Variants in RAD51C observed in about 807,000 individuals in gnomAD.
RAD51C encodes the protein DNA repair protein RAD51 homolog 3.
In RAD51C, 42 loss-of-function variants were observed where a neutral mutation model predicts 45.0. The ratio of observed to expected loss-of-function variants is 0.93; its 90% CI spans 0.73 to 1.21. RAD51C has a LOEUF of 1.21. Ranked by LOEUF, RAD51C falls within the 50% of genes most tolerant of loss-of-function variation. RAD51C has a pLI of 0.00. For missense variants in RAD51C, 474 were observed against 452.2 expected (o/e 1.05, Z -0.44); for synonymous variants, 172 against 159.8 (o/e 1.08, Z -0.58).
chr17:58,732,737 AT>A, intron 8 of RAD51C, 193 bp downstream of exon 8: 1 of 595,152 alleles, frequency 1.7e-6, no homozygotes, highest in Middle Eastern at 3.7e-4. Context: ...ACTGAAATTT[AT>A]TCTTAAGAGC....
At chr17:58,721,100 G>A (rs2048903939) in intron 6 of RAD51C, among the ~76,000 whole-genome samples, 1 of 152,148 alleles carries the variant, frequency 6.6e-6, no homozygotes, top group Admixed American at 6.6e-5. Context: ...GGCCAATATG[G>A]TGAAACCCCA....
chr17:58,697,261 G>A (rs147657238), intron 3 of RAD51C, among the ~76,000 whole-genome samples: 100 of 152,152 alleles, frequency 6.6e-4, no homozygotes, highest in African/African-American at 2.2e-3. Flanking sequence ...GTCTGAGGCC[G>A]GATGCAGTGC....
rs2049474116 is a variant in RAD51C, at chr17:58,732,542, A to G, written c.1024A>G (p.Lys342Glu). 6.2e-7 allele frequency: 1 copy of G among 1,611,676 alleles called. No homozygotes were observed. Among genetic ancestry groups the G allele is most frequent in the East Asian group, 2.2e-5 (1 of 44,786 alleles). Residue 342 changes from lysine to glutamate, a missense_variant and splice_region_variant, in exon 8 of 9, where the codon AAA becomes GAA. Lys to Glu is a moderately conservative substitution (Grantham distance 56). Transcript: ENST00000337432. ...GGAATGCACAGTACTGTTTCAAATC[A>G]AAGTCAGTATTATTTGATTAGAGTG... Reference protein sequence around the residue: ...QKECTVLFQIKPQGFRDTVVT... With the variant: ...QKECTVLFQIEPQGFRDTVVT...
rs2143668680 is a variant in RAD51C at position 58,692,611 on chromosome 17, T to G, written c.-33T>G. On this transcript the variant is annotated 5_prime_UTR_variant, in exon 1 of 9. Coordinates refer to ENST00000337432, the MANE Select transcript of RAD51C (RefSeq NM_058216.3). ...ACGCCCCAGCGAGGGCGTGCGGAGT[T>G]TGGCTGCTCCGGGGTTAGCAGGTGA... is the stretch of plus-strand genomic sequence containing the variant. 6.2e-7 allele frequency: 1 copy of G among 1,612,974 alleles called. No homozygotes were observed. The highest frequency in any genetic ancestry group is 2.2e-5 in the East Asian group (1 of 44,876).
Position 58,710,786 on chromosome 17 carries a change from G to A in RAD51C, c.837+796G>A, listed in dbSNP as rs183560693. Among the ~76,000 whole-genome samples the A allele has an allele frequency of 1.6e-4, 25 of 152,084 alleles. No individual in the cohort carries two copies. The East Asian group carries it at 4.6e-3, about 28-fold the overall frequency. On this transcript the variant is annotated intron_variant, in intron 5 of 8. Coordinates refer to ENST00000337432, the MANE Select transcript of RAD51C (RefSeq NM_058216.3). ...GTAAATATCGGCTCAGAAGGGAAGA[G>A]ATTTTTTTTTTTAAAGTTTTACCTC...
At chr17:58,715,110 AAC>A (rs1029948458) in intron 5 of RAD51C, among the ~76,000 whole-genome samples, 3 of 151,740 alleles carry the variant, frequency 2.0e-5, no homozygotes, top group Non-Finnish European at 1.5e-5. Flanking sequence ...GGTTCTGGGA[AAC>A]ACACAGTTCC....
rs730881928 is a variant in RAD51C, at chr17:58,694,949, C to T, written c.164C>T (p.Ala55Val). 11 of 1,613,722 alleles carry T rather than the reference C, an allele frequency of 6.8e-6. No individual in the cohort carries two copies. The highest frequency in any genetic ancestry group is 8.5e-6 in the Non-Finnish European group (10 of 1,179,790). ...CTTTCAGAAGTTGGGATATCTAAAG[C>T]AGAAGCCTTAGAAACTCTGCAAATT... ...ELSKEVGISK[A>V]EALETLQIIR... is the part of the protein sequence containing the mutation. Residue 55 changes from alanine (A) to valine (V), a missense_variant, in exon 2 of 9, where the codon GCA (alanine) becomes GTA (valine). Transcript: ENST00000337432.
intron 6 of RAD51C, among the ~76,000 whole-genome samples, chr17:58,722,828 C>A (rs908099025): frequency 1.3e-5 from 2 of 152,202 alleles, no homozygotes; most frequent in Admixed American, 6.5e-5. Context: ...TGATTTGCCT[C>A]ATGCAAACTT....
chr17:58,708,520 C>G (rs887867688), intron 4 of RAD51C, among the ~76,000 whole-genome samples: 4 of 152,018 alleles, frequency 2.6e-5, no homozygotes, highest in African/African-American at 9.7e-5. Context: ...AAACAACTTA[C>G]TTAGGCATTG....
intron 4 of RAD51C, among the ~76,000 whole-genome samples, chr17:58,708,725 G>A (rs913924574): frequency 3.3e-5 from 5 of 151,956 alleles, no homozygotes; most frequent in African/African-American, 4.8e-5. Flanking sequence ...TTTTGAAAGG[G>A]TTTTGCTCTG....
intron 3 of RAD51C, among the ~76,000 whole-genome samples, chr17:58,697,329 A>C (rs1464673043): frequency 6.6e-6 from 1 of 152,128 alleles, no homozygotes; most frequent in East Asian, 1.9e-4. Flanking sequence ...CGAGGTCAGG[A>C]GTTCAAGACC....
At position 58,734,430 on chromosome 17, in the gene RAD51C, T is replaced by G. The variant is rs2049573974; in HGVS notation, c.*208T>G. ...GCAATTATATTTTACCCTGTTTTCA[T>G]TTTCAGTAACATTCAGTAGAGATGA... On this transcript the variant is annotated 3_prime_UTR_variant, in exon 9 of 9. Transcript: ENST00000337432. 1 of 812,550 alleles carries G rather than the reference T, an allele frequency of 1.2e-6. No homozygotes were observed. Among genetic ancestry groups the G allele is most frequent in the African/African-American group, 1.7e-5 (1 of 57,640 alleles). The allele number at this position is 812,550 out of a possible 1,614,324, so 50.3% of individuals were successfully genotyped here.
intron 4 of RAD51C, 74 bp downstream of exon 4, chr17:58,703,403 A>G: frequency 6.7e-7 from 1 of 1,484,730 alleles, no homozygotes; most frequent in Non-Finnish European, 9.3e-7. Flanking sequence ...AAAAATAACC[A>G]GTACAGTAGC....
chr17:58,727,005 A>G (rs544838891), intron 7 of RAD51C, among the ~76,000 whole-genome samples: 1 of 151,950 alleles, frequency 6.6e-6, no homozygotes, highest in East Asian at 1.9e-4. Context: ...TATTTTTAGT[A>G]GAGACGGGGT....
intron 6 of RAD51C, among the ~76,000 whole-genome samples, chr17:58,721,710 G>T (rs996832610): frequency 3.3e-5 from 5 of 151,872 alleles, no homozygotes; most frequent in Non-Finnish European, 7.4e-5. Context: ...AGTAAGCCAC[G>T]GTCGCGCCAT....
At chr17:58,727,316 A>G (rs531179422) in intron 7 of RAD51C, among the ~76,000 whole-genome samples, 23 of 149,766 alleles carry the variant, frequency 1.5e-4, no homozygotes, top group African/African-American at 5.2e-4. Context: ...TAGAGGTGGG[A>G]TTTCACTATG....
At chr17:58,704,804 A>G (rs1399873430) in intron 4 of RAD51C, among the ~76,000 whole-genome samples, 2 of 152,164 alleles carry the variant, frequency 1.3e-5, no homozygotes, top group South Asian at 2.1e-4. Context: ...TACTGACAAT[A>G]TATGAGAATG....
At chr17:58,716,749 A>G (rs1023989267) in intron 5 of RAD51C, among the ~76,000 whole-genome samples, 5 of 147,552 alleles carry the variant, frequency 3.4e-5, no homozygotes, top group African/African-American at 1.2e-4. Flanking sequence ...GGCACAAGCC[A>G]CCACGCCTGG....
intron 2 of RAD51C, 142 bp from the exon 3 acceptor site, chr17:58,696,546 TGAAGA>T (rs2048015762): frequency 1.2e-5 from 11 of 905,358 alleles, no homozygotes; most frequent in Non-Finnish European, 1.9e-5. Context: ...TCTGGAGTCA[TGAAGA>T]GTTAGACATT....
Sources: gnomAD v4.1 joint callset for allele counts (sites outside exome capture counted in the v4.1 genomes callset) on GRCh38, gnomAD v4.1.1 for gene constraint, MANE v1.5 for transcripts, NCBI Gene and HGNC (gene_info 2026-07-23, HGNC 2026-07-21) for gene names.